The following GRIK5 variants were observed in gnomAD, a reference collection of about 807,000 sequenced individuals.
The protein encoded by GRIK5 is glutamate ionotropic receptor kainate type subunit 5.
Under a neutral mutation model 97.4 loss-of-function variants are expected in GRIK5, and 43 were observed. The observed-to-expected ratio is 0.44, with a 90% CI of 0.35 to 0.57. GRIK5 has a LOEUF of 0.57. GRIK5 is among the 20% of genes least tolerant of loss of function. The pLI is 0.01. For synonymous variants in GRIK5, 580 were observed against 583.5 expected (o/e 0.99, Z 0.09); for missense variants, 1,015 against 1,382.0 (o/e 0.73, Z 4.21).
At chr19:42,057,780 A>G (rs1219873366) in intron 6 of GRIK5, among the ~76,000 whole-genome samples, 4 of 152,244 alleles carry the variant, frequency 2.6e-5, no homozygotes, top group East Asian at 1.9e-4. Flanking sequence ...GCAATCTTTA[A>G]AAGTGCTTTG....
chr19:42,057,901 T>C (rs758303387), intron 6 of GRIK5, among the ~76,000 whole-genome samples: 1 of 152,242 alleles, frequency 6.6e-6, no homozygotes, highest in Non-Finnish European at 1.5e-5. Context: ...CACCCAAGTC[T>C]GTCCCCCCAC....
chr19:42,065,527 C>A lies in GRIK5; in HGVS notation c.80-140G>T. 1 of 1,015,286 alleles carries A rather than the reference C, an allele frequency of 9.8e-7. No individual in the cohort carries two copies. Among genetic ancestry groups the A allele is most frequent in the Non-Finnish European group, 1.4e-6 (1 of 703,740 alleles). The allele number at this position is 1,015,286 out of a possible 1,614,324, so 62.9% of individuals were successfully genotyped here. On this transcript the variant is annotated intron_variant, in intron 2 of 19. Transcript: ENST00000593562. This position sits in a 1 kb window ranked among gnomAD's most constrained non-coding sequence, Gnocchi z 5.8. Reference sequence around the variant, plus strand: ...CACCTGGATCTGAGGTTGGTGGGAGCTAGGGGTCTGGACTCCTGGGTCCTG... The same window carrying A: ...CACCTGGATCTGAGGTTGGTGGGAGATAGGGGTCTGGACTCCTGGGTCCTG...
intron 12 of GRIK5, among the ~76,000 whole-genome samples, chr19:42,027,192 A>G (rs1460365792): frequency 6.6e-6 from 1 of 152,214 alleles, no homozygotes; most frequent in Non-Finnish European, 1.5e-5. Flanking sequence ...AGAAACATAC[A>G]ACGTCAGGTA....
Position 41,999,281 on chromosome 19 carries a change from T to C in GRIK5, c.2533A>G (p.Met845Val). The C allele has an allele frequency of 2.6e-6, 4 of 1,523,476 alleles. No individual in the cohort carries two copies. In the South Asian group the frequency reaches 4.8e-5, roughly 18 times the overall value. The allele number at this position is 1,523,476 out of a possible 1,614,324, so 94.4% of individuals were successfully genotyped here. A position where few individuals can be genotyped will look rare whatever the true frequency, so the allele number is the denominator to read the frequency against. ...ACGGCGTGGCGCAGCTCCTGCAGCATCTCCTGGCACACCGACACCTGGGGG... is the reference window on the plus strand; with the variant it reads ...ACGGCGTGGCGCAGCTCCTGCAGCACCTCCTGGCACACCGACACCTGGGGG... ...ESEEVSVCQE[M>V]LQELRHAVSC... Residue 845 changes from methionine to valine, a missense_variant, in exon 20 of 20, where the codon ATG becomes GTG. Transcript: ENST00000593562. This position sits in a 1 kb window ranked among gnomAD's most constrained non-coding sequence, Gnocchi z 5.0.
Position 42,056,777 on chromosome 19 carries a change from T to C in GRIK5, c.788A>G (p.Asn263Ser). ...HLDGIVEDSS[N>S]ILGFSMFNTS... ...GTTGAACATGGAGAAGCCCAGGATG[T>C]TGGAGGAGTCCTCCACAATACCGTC... The change falls in exon 8 of 20, where the codon AAC becomes AGC. Residue 263 changes from asparagine (N) to serine (S), a missense_variant. Physicochemically the swap from Asn to Ser is conservative, Grantham distance 46. This residue lies in a region of GRIK5 where 477 missense variants were observed against 701.1 expected (regional missense o/e 0.68). Coordinates refer to ENST00000593562, the MANE Select transcript of GRIK5 (RefSeq NM_002088.5). 1 of 1,613,958 alleles carries C rather than the reference T, an allele frequency of 6.2e-7. No homozygotes were observed. The highest frequency in any genetic ancestry group is 8.5e-7 in the Non-Finnish European group (1 of 1,179,946).
chr19:42,003,582 G>A lies in GRIK5; in HGVS notation c.2365C>T (p.Pro789Ser), dbSNP rs1555871633. Reference sequence around the variant, plus strand: ...TTAGCTCGATGGTCCTCCTCCTTGGGGCACCGGCCCCCCTCCCACCACTTG... The same window carrying A: ...TTAGCTCGATGGTCCTCCTCCTTGGAGCACCGGCCCCCCTCCCACCACTTG... Reference protein sequence around the residue: ...KRKWWEGGRCPKEEDHRAKGL... With the variant: ...KRKWWEGGRCSKEEDHRAKGL... The change falls in exon 18 of 20, where the codon CCC becomes TCC. Residue 789 changes from proline (P) to serine (S), a missense_variant. Around this residue, in one of 5 missense-constraint regions of GRIK5, gnomAD observed 229 missense variants for 341.0 expected, o/e 0.67. Coordinates refer to ENST00000593562, the MANE Select transcript of GRIK5 (RefSeq NM_002088.5). The surrounding 1 kb of genome is among the most constrained non-coding windows in gnomAD (Gnocchi z 4.2). 1 of 1,612,726 alleles carries A rather than the reference G, an allele frequency of 6.2e-7. No homozygotes were observed. Among genetic ancestry groups the A allele is most frequent in the Admixed American group, 1.7e-5 (1 of 59,856 alleles).
rs1405347319 is a variant in GRIK5 at position 42,021,263 on chromosome 19, CCCT to C, written c.1871+35_1871+37del. 5.7e-6 allele frequency: 9 copies of C among 1,573,978 alleles called. No individual in the cohort carries two copies. Among genetic ancestry groups the C allele is most frequent in the Admixed American group, 1.7e-5 (1 of 57,210 alleles). ...CCATCCAGGCCTCAGATGGGTCCCT[CCCT>C]CGCCCCGGGCAGAGGCAGATAGAAA... On this transcript the variant is annotated intron_variant, in intron 15 of 19. Coordinates refer to ENST00000593562, the MANE Select transcript of GRIK5 (RefSeq NM_002088.5). This position sits in a 1 kb window ranked among gnomAD's most constrained non-coding sequence, Gnocchi z 4.2.
intron 15 of GRIK5, among the ~76,000 whole-genome samples, chr19:42,012,254 G>T (rs140200749): frequency 0.012 from 1,786 of 151,264 alleles, 21 homozygotes; most frequent in Non-Finnish European, 0.018. Context: ...ATGTATGTAT[G>T]TATTTATTTA....
At chr19:42,025,078 T>C (rs1011303527) in intron 12 of GRIK5, among the ~76,000 whole-genome samples, 4 of 152,166 alleles carry the variant, frequency 2.6e-5, no homozygotes, top group African/African-American at 9.7e-5. Flanking sequence ...CCAGGAATGT[T>C]GCTGCTTCCT....
intron 15 of GRIK5, among the ~76,000 whole-genome samples, chr19:42,009,453 G>A (rs2075532930): frequency 6.6e-6 from 1 of 150,420 alleles, no homozygotes; most frequent in Admixed American, 6.6e-5. Context: ...ACGTTGGCCA[G>A]GCTGAGACCT....
At position 42,002,692 on chromosome 19, in the gene GRIK5, G is replaced by A. The variant is rs200689507; in HGVS notation, c.2514+640C>T. The A allele has an allele frequency of 7.2e-5, 44 of 607,434 alleles. No individual in the cohort carries two copies. The East Asian group carries it at 1.1e-3, about 15-fold the overall frequency. 37.6% of individuals were successfully genotyped at this position (607,434 alleles called of 1,614,324 possible). A position where few individuals can be genotyped will look rare whatever the true frequency, so the allele number is the denominator to read the frequency against. ...TGGAAATGCAGGGGTGTGGCTGGGC[G>A]GCCCCCAGGGACATGGAAGCAGCCC... On this transcript the variant is annotated intron_variant, in intron 19 of 19. Transcript: ENST00000593562. This position sits in a 1 kb window ranked among gnomAD's most constrained non-coding sequence, Gnocchi z 5.2.
chr19:42,029,613 T>A (rs1599784243), intron 12 of GRIK5, among the ~76,000 whole-genome samples: 1 of 152,120 alleles, frequency 6.6e-6, no homozygotes, highest in East Asian at 1.9e-4. Context: ...GTCTGCACCA[T>A]GAGCTAGCCA....
chr19:42,047,404 A>T (rs547829194), intron 11 of GRIK5, among the ~76,000 whole-genome samples: 1 of 151,924 alleles, frequency 6.6e-6, no homozygotes, highest in South Asian at 2.1e-4. Flanking sequence ...AATAAAAAGA[A>T]ATGCAAAGAG....
At position 41,999,035 on chromosome 19, in the gene GRIK5, AG is replaced by A; in HGVS notation, c.2778del (p.Cys927AlafsTer?). On this transcript the variant is annotated frameshift_variant, in exon 20 of 20. Coordinates refer to ENST00000593562, the MANE Select transcript of GRIK5 (RefSeq NM_002088.5). LOFTEE classifies it low-confidence loss of function (END_TRUNC). The surrounding 1 kb of genome is among the most constrained non-coding windows in gnomAD (Gnocchi z 5.0). ...PSGARPAAPTPCTHVRVCQEC... is the reference protein window; with the variant it reads ...PSGARPAAPTXCTHVRVCQEC... The stretch of plus-strand genomic sequence containing the variant: ...TCCTGGCAGACGCGCACGTGGGTGC[AG>A]GGGGTGGGGGCGGCGGGTCGGGCTC... 2.9e-6 allele frequency: 2 copies of A among 693,722 alleles called. No individual in the cohort carries two copies. Among genetic ancestry groups the A allele is most frequent in the African/African-American group, 3.8e-5 (1 of 26,078 alleles). 43.0% of individuals were successfully genotyped at this position (693,722 alleles called of 1,614,324 possible).
At chr19:42,044,679 G>A (rs2076021321) in intron 11 of GRIK5, among the ~76,000 whole-genome samples, 1 of 152,252 alleles carries the variant, frequency 6.6e-6, no homozygotes, top group African/African-American at 2.4e-5. Context: ...GCCAGGTGTA[G>A]TACCTCAAGC....
chr19:42,021,268 G>C lies in GRIK5; in HGVS notation c.1871+33C>G. The C allele has an allele frequency of 6.3e-7, 1 of 1,586,622 alleles. No homozygotes were observed. The highest frequency in any genetic ancestry group is 1.3e-5 in the African/African-American group (1 of 74,610). Reference sequence around the variant, plus strand: ...CAGGCCTCAGATGGGTCCCTCCCTCGCCCCGGGCAGAGGCAGATAGAAAGC... The same window carrying C: ...CAGGCCTCAGATGGGTCCCTCCCTCCCCCCGGGCAGAGGCAGATAGAAAGC... On this transcript the variant is annotated intron_variant, in intron 15 of 19. Transcript: ENST00000593562. This position sits in a 1 kb window ranked among gnomAD's most constrained non-coding sequence, Gnocchi z 4.2.
chr19:42,042,340 G>A lies in GRIK5; in HGVS notation c.1473+212C>T, dbSNP rs928633270. Reference sequence around the variant, plus strand: ...AAGCAGGACACAGGTGGTGATGCATGTACCACCTCTCCTCCTCTGTCCCAT... The same window carrying A: ...AAGCAGGACACAGGTGGTGATGCATATACCACCTCTCCTCCTCTGTCCCAT... On this transcript the variant is annotated intron_variant, in intron 12 of 19. Transcript: ENST00000593562. This position sits in a 1 kb window ranked among gnomAD's most constrained non-coding sequence, Gnocchi z 6.9. Among the ~76,000 whole-genome samples the A allele has an allele frequency of 7.2e-5, 11 of 152,200 alleles. No individual in the cohort carries two copies. Among genetic ancestry groups the A allele is most frequent in the Non-Finnish European group, 1.2e-4 (8 of 68,044 alleles).
chr19:42,027,917 A>G (rs1180222354), intron 12 of GRIK5, among the ~76,000 whole-genome samples: 3 of 151,878 alleles, frequency 2.0e-5, no homozygotes, highest in Non-Finnish European at 2.9e-5. Flanking sequence ...GCAGCCTCAA[A>G]CTCTTGGGCT....
chr19:42,012,683 T>G (rs1011616155), intron 15 of GRIK5, among the ~76,000 whole-genome samples: 2 of 151,976 alleles, frequency 1.3e-5, no homozygotes, highest in Non-Finnish European at 2.9e-5. Context: ...GAGACTAGCC[T>G]GGGCAACATG....
Sources: gnomAD v4.1 joint callset for allele counts (sites outside exome capture counted in the v4.1 genomes callset) on GRCh38, gnomAD v4.1.1 for gene constraint, gnomAD v4.1.1 regional missense constraint, Gnocchi (gnomAD v3.1) non-coding constraint, MANE v1.5 for transcripts, NCBI Gene and HGNC (gene_info 2026-07-23, HGNC 2026-07-21) for gene names.